The following IL16 variants were observed in gnomAD, a reference collection of about 807,000 sequenced individuals.
IL16 encodes pro-interleukin-16.
A neutral mutation model predicts 110.1 loss-of-function variants in IL16; 67 were observed. The ratio of observed to expected loss-of-function variants is 0.61; its 90% CI spans 0.50 to 0.75. The LOEUF (loss-of-function observed/expected upper bound fraction) is 0.75, where lower values mean the gene tolerates loss of function less well. Among genes scored for constraint, IL16 ranks in the 30% least tolerant of loss-of-function variants. The pLI is 0.00. For missense variants in IL16, 1,545 were observed against 1,655.0 expected, an observed-to-expected ratio of 0.93 and a Z score of 1.15; for synonymous variants, 689 against 662.9, an observed-to-expected ratio of 1.04 and a Z score of -0.61.
At chr15:81,190,699 G>A (rs1895485860) in intron 1 of IL16, among the ~76,000 whole-genome samples, 1 of 152,166 alleles carries the variant, frequency 6.6e-6, no homozygotes, top group African/African-American at 2.4e-5. Context: ...AGGGGCCAAA[G>A]AAAGAAGCTG....
At position 81,278,841 on chromosome 15, in the gene IL16, G is replaced by T; in HGVS notation, c.815G>T (p.Gly272Val). The part of the protein sequence containing the change: ...QEGDEILELN[G>V]ESMAGLTHQD... ...GGTGATGAAATTCTGGAGCTCAATG[G>T]TGAATCAATGGCTGGACTAACACAT... The change falls in exon 7 of 19, where the codon GGT becomes GTT. Residue 272 changes from glycine (G) to valine (V), a missense_variant. Gly to Val is a moderately radical substitution (Grantham distance 109). This residue lies in a region of IL16 where 1,185 missense variants were observed against 1,238.8 expected (regional missense o/e 0.96). Transcript: ENST00000683961. The T allele has an allele frequency of 6.2e-7, 1 of 1,613,062 alleles. No homozygotes were observed. The highest frequency in any genetic ancestry group is 8.5e-7 in the Non-Finnish European group (1 of 1,179,030).
intron 5 of IL16, among the ~76,000 whole-genome samples, chr15:81,272,611 GC>G (rs1235548844): frequency 6.6e-6 from 1 of 152,190 alleles, no homozygotes; most frequent in Non-Finnish European, 1.5e-5. Context: ...TGGGAGAAGG[GC>G]TACATTGTAA....
chr15:81,274,769 AC>A (rs1482555772), intron 6 of IL16, among the ~76,000 whole-genome samples: 2 of 152,178 alleles, frequency 1.3e-5, no homozygotes, highest in Non-Finnish European at 2.9e-5. Flanking sequence ...AAAGGTTAAA[AC>A]TTTTACCATC....
chr15:81,300,091 C>A lies in IL16; in HGVS notation c.2765C>A (p.Ser922Tyr). The change falls in exon 14 of 19, where the codon TCC becomes TAC. Residue 922 changes from serine (S) to tyrosine (Y), a missense_variant. Coordinates refer to ENST00000683961, the MANE Select transcript of IL16 (RefSeq NM_172217.5). ...SEARDPGVSE[S>Y]PPPGRQPNQK... is the part of the protein sequence containing the mutation. The stretch of plus-strand genomic sequence containing the variant: ...GCCAGAGACCCAGGTGTGTCTGAGT[C>A]CCCTCCCCCAGGGCGGCAGCCCAAT... The A allele has an allele frequency of 6.3e-7, 1 of 1,579,966 alleles. No individual in the cohort carries two copies. The highest frequency in any genetic ancestry group is 8.6e-7 in the Non-Finnish European group (1 of 1,164,200).
chr15:81,252,032 C>T (rs1398656540), intron 2 of IL16, among the ~76,000 whole-genome samples: 1 of 152,118 alleles, frequency 6.6e-6, no homozygotes, highest in Admixed American at 6.5e-5. Context: ...TTTAATCCTT[C>T]CTAGGGTCTG....
chr15:81,301,849 G>C (rs1057011864), intron 15 of IL16, among the ~76,000 whole-genome samples: 2 of 152,228 alleles, frequency 1.3e-5, no homozygotes, highest in Non-Finnish European at 2.9e-5. Flanking sequence ...ATGTGCTGCT[G>C]TCCTGGCATG....
chr15:81,230,868 G>A (rs979543699), intron 2 of IL16, among the ~76,000 whole-genome samples: 5 of 152,096 alleles, frequency 3.3e-5, no homozygotes, highest in Non-Finnish European at 5.9e-5. Context: ...ATGGGTGGCG[G>A]ACAAAGGTAG....
At chr15:81,248,946 C>T (rs1897670405) in intron 2 of IL16, among the ~76,000 whole-genome samples, 2 of 152,000 alleles carry the variant, frequency 1.3e-5, no homozygotes, top group Non-Finnish European at 2.9e-5. Flanking sequence ...GTCTTGAACT[C>T]CTGAGCTCAA....
intron 2 of IL16, among the ~76,000 whole-genome samples, chr15:81,239,002 CTT>C (rs1017723241): frequency 1.5e-5 from 2 of 135,024 alleles, no homozygotes; most frequent in Non-Finnish European, 1.6e-5. Flanking sequence ...AATTGGTGTT[CTT>C]TTTTTTTTTT....
At chr15:81,290,799 G>A (rs567421616) in intron 11 of IL16, among the ~76,000 whole-genome samples, 1 of 152,244 alleles carries the variant, frequency 6.6e-6, no homozygotes, top group African/African-American at 2.4e-5. Flanking sequence ...CCAGCTCCCG[G>A]TGGTCTCCAC....
chr15:81,216,074 A>AAT (rs1896418470), intron 1 of IL16, among the ~76,000 whole-genome samples: 1 of 152,146 alleles, frequency 6.6e-6, no homozygotes, highest in Admixed American at 6.5e-5. Flanking sequence ...ATTCCCAGGG[A>AAT]AGCCAGCCCT....
chr15:81,184,781 A>C (rs535121025), intron 1 of IL16, among the ~76,000 whole-genome samples: 2 of 152,328 alleles, frequency 1.3e-5, no homozygotes, highest in East Asian at 3.9e-4. Flanking sequence ...CCTTTGGATA[A>C]GCCCCTTTCC....
At chr15:81,301,090 C>T (rs1421959106) in intron 14 of IL16, among the ~76,000 whole-genome samples, 1 of 152,184 alleles carries the variant, frequency 6.6e-6, no homozygotes, top group Non-Finnish European at 1.5e-5. Context: ...CATAGGGTCC[C>T]TGCTGTAGGG....
rs1595931767 is a variant in IL16 at position 81,189,899 on chromosome 15, G to A, written c.40+7003G>A. 3.3e-5 allele frequency among the ~76,000 whole-genome samples: 5 copies of A among 152,210 alleles called. 1 individual carries two copies. In the East Asian group the frequency reaches 5.8e-4, roughly 18 times the overall value. On this transcript the variant is annotated intron_variant, in intron 1 of 18. Coordinates refer to the IL16 transcript ENST00000302987. ...TAGGGATTTCTTAATCTTTAAAAATGTTGCTTTCTGATGCAAGGCAGGAAG... is the reference window on the plus strand; with the variant it reads ...TAGGGATTTCTTAATCTTTAAAAATATTGCTTTCTGATGCAAGGCAGGAAG...
rs34998623 is a variant in IL16 at position 81,203,483 on chromosome 15, T to A, written c.-102+6331T>A. Among the ~76,000 whole-genome samples, 6 of 151,138 alleles carry A rather than the reference T, an allele frequency of 4.0e-5. No homozygotes were observed. In the East Asian group the frequency reaches 9.7e-4, roughly 24 times the overall value. Reference sequence around the variant, plus strand: ...TAACATTTAAGTCTTTAATCCATCTTGAATTAATTTTTGTATAAGGTGTAA... The same window carrying A: ...TAACATTTAAGTCTTTAATCCATCTAGAATTAATTTTTGTATAAGGTGTAA... On this transcript the variant is annotated intron_variant, in intron 1 of 18. Coordinates refer to ENST00000683961, the MANE Select transcript of IL16 (RefSeq NM_172217.5).
intron 2 of IL16, among the ~76,000 whole-genome samples, chr15:81,240,058 GTTC>G (rs1386548797): frequency 2.0e-5 from 3 of 152,086 alleles, no homozygotes; most frequent in Non-Finnish European, 2.9e-5. Flanking sequence ...GGAAGTCTCC[GTTC>G]TTCTTATTTG....
At chr15:81,207,102 G>C (rs2141976599) in intron 1 of IL16, among the ~76,000 whole-genome samples, 1 of 152,076 alleles carries the variant, frequency 6.6e-6, no homozygotes, top group African/African-American at 2.4e-5. Flanking sequence ...CAGGCGTGGT[G>C]GTGGGCGCCT....
At chr15:81,272,272 T>C (rs1898675213) in intron 5 of IL16, among the ~76,000 whole-genome samples, 1 of 152,218 alleles carries the variant, frequency 6.6e-6, no homozygotes, top group South Asian at 2.1e-4. Context: ...CTTTGCTGCT[T>C]TTCAGGTCTG....
rs200302614 is a variant in IL16, at chr15:81,308,737, C to T, written c.3938C>T (p.Thr1313Met). ...IIKALPDGPV[T>M]IVIRRKSLQS... ...AAGGCACTGCCTGATGGACCTGTCA[C>T]GATTGTCATCAGGAGAAAAAGCCTC... Residue 1313 changes from threonine to methionine, a missense_variant, in exon 19 of 19, where the codon ACG becomes ATG. Transcript: ENST00000683961. 2.9e-5 allele frequency: 47 copies of T among 1,614,040 alleles called. No individual in the cohort carries two copies. The highest frequency in any genetic ancestry group is 1.6e-4 in the Middle Eastern group (1 of 6,064).
Sources: allele counts gnomAD v4.1 joint callset (sites outside exome capture counted in the v4.1 genomes callset), GRCh38; gene constraint gnomAD v4.1.1; regional missense constraint gnomAD v4.1.1; transcripts MANE v1.5; gene names NCBI Gene and HGNC (gene_info 2026-07-23, HGNC 2026-07-21).